The following SBF1 variants were observed in gnomAD, a reference collection of about 807,000 sequenced individuals.
The protein encoded by SBF1 is SET binding factor 1.
Under a neutral mutation model 215.8 loss-of-function variants are expected in SBF1, and 65 were observed. The ratio of observed to expected loss-of-function variants is 0.30; its 90% CI spans 0.25 to 0.37. The LOEUF (loss-of-function observed/expected upper bound fraction) is 0.37, where lower values mean the gene tolerates loss of function less well. Ranked by LOEUF, SBF1 falls within the 10% of genes least tolerant of loss-of-function variation. The pLI, the probability that SBF1 is intolerant of heterozygous loss-of-function variation, is 1.00. For missense variants in SBF1, 2,634 were observed against 2,667.8 expected, an observed-to-expected ratio of 0.99 and a Z score of 0.28; for synonymous variants, 1,410 against 1,122.8, an observed-to-expected ratio of 1.26 and a Z score of -5.11.
At chr22:50,456,061 T>G (rs991250562) in intron 31 of SBF1, 155 bp downstream of exon 31, 6 of 812,178 alleles carry the variant, frequency 7.4e-6, no homozygotes, top group Non-Finnish European at 1.1e-5. Context: ...CCCAGCTGCC[T>G]TCTAGGCACC....
intron 36 of SBF1, among the ~76,000 whole-genome samples, chr22:50,451,560 A>C (rs1313595207): frequency 6.6e-6 from 1 of 152,202 alleles, no homozygotes; most frequent in Non-Finnish European, 1.5e-5. Context: ...TTATAGAAGC[A>C]ATGGCTTGAA....
Position 50,459,455 on chromosome 22 carries a change from G to C in SBF1, c.3688+15C>G, listed in dbSNP as rs2067406396. On this transcript the variant is annotated intron_variant, in intron 27 of 40. Transcript: ENST00000380817. Reference sequence around the variant, plus strand: ...GATAGGGCAGGGCAGGCACAGGGCAGGACGCAGGAGGTACCTGGAGAAGGT... The same window carrying C: ...GATAGGGCAGGGCAGGCACAGGGCACGACGCAGGAGGTACCTGGAGAAGGT... 6.8e-6 allele frequency: 11 copies of C among 1,611,472 alleles called. No individual in the cohort carries two copies. In the East Asian group the frequency reaches 2.5e-4, roughly 36 times the overall value.
At chr22:50,470,706 G>A (rs180924833) in intron 1 of SBF1, among the ~76,000 whole-genome samples, 85 of 152,340 alleles carry the variant, frequency 5.6e-4, no homozygotes, top group Non-Finnish European at 1.3e-4. Flanking sequence ...CGGACCACAG[G>A]CTAATTAGGG....
intron 31 of SBF1, chr22:50,455,852 A>C: frequency 1.8e-6 from 1 of 566,810 alleles, no homozygotes; most frequent in Non-Finnish European, 3.1e-6. Context: ...CGGTGGCCCT[A>C]CCTTCAAGCC....
intron 23 of SBF1, among the ~76,000 whole-genome samples, 168 bp from the exon 24 acceptor site, chr22:50,460,880 C>G (rs2067479805): frequency 6.6e-6 from 1 of 152,198 alleles, no homozygotes; most frequent in South Asian, 2.1e-4. Context: ...TGTGTAAACT[C>G]GAAATCTCAG....
intron 29 of SBF1, 24 bp downstream of exon 29, chr22:50,457,010 G>A (rs758941412): frequency 1.4e-6 from 2 of 1,410,546 alleles, no homozygotes; most frequent in Non-Finnish European, 1.8e-6. Flanking sequence ...GGGGAGGCGG[G>A]CCTGCGCAGG....
chr22:50,457,838 G>A (rs1450271307), intron 28 of SBF1, among the ~76,000 whole-genome samples: 2 of 152,258 alleles, frequency 1.3e-5, no homozygotes, highest in South Asian at 2.1e-4. Context: ...GACTGAGAGA[G>A]GCAATGTCCC....
Position 50,464,889 on chromosome 22 carries a change from C to G in SBF1, c.1361G>C (p.Arg454Pro), listed in dbSNP as rs377045434. The G allele has an allele frequency of 1.2e-6, 2 of 1,613,726 alleles. No homozygotes were observed. The highest frequency in any genetic ancestry group is 3.3e-5 in the Admixed American group (2 of 60,024). The change falls in exon 13 of 41, where the codon CGG becomes CCG. Residue 454 changes from arginine to proline, a missense_variant. Physicochemically the swap from Arg to Pro is moderately radical, Grantham distance 103. Coordinates refer to ENST00000380817, the MANE Select transcript of SBF1 (RefSeq NM_002972.4). ...ACGCTGGGGGTGGTTCTCATCCGCC[C>G]GCATCCTTGCCACCTCGTGGGCCAC... ...ELVAHEVARM[R>P]ADENHPQRVL...
Position 50,464,741 on chromosome 22 carries a change from G to C in SBF1, c.1432-3C>G. 1 of 1,608,480 alleles carries C rather than the reference G, an allele frequency of 6.2e-7. No homozygotes were observed. The highest frequency in any genetic ancestry group is 8.5e-7 in the Non-Finnish European group (1 of 1,177,768). On this transcript the variant is annotated splice_region_variant and splice_polypyrimidine_tract_variant and intron_variant, in intron 13 of 40. Coordinates refer to ENST00000380817, the MANE Select transcript of SBF1 (RefSeq NM_002972.4). ...GCCACGGCTGGGTACGGGTTCTCCT[G>C]TGGGGAGACGGCAGGTGTGGGGCAG... is the stretch of plus-strand genomic sequence containing the variant.
Position 50,460,021 on chromosome 22 carries a change from C to G in SBF1, c.3422G>C (p.Ser1141Thr), listed in dbSNP as rs747747176. 8 of 1,614,036 alleles carry G rather than the reference C, an allele frequency of 5.0e-6. No homozygotes were observed. Among genetic ancestry groups the G allele is most frequent in the African/African-American group, 1.3e-5 (1 of 75,070 alleles). The change falls in exon 26 of 41, where the codon AGC becomes ACC. Residue 1141 changes from serine (S) to threonine (T), a missense_variant. By Grantham distance (58) the Ser-to-Thr change is moderately conservative. Transcript: ENST00000380817. ...QRLGLGTLSS[S>T]LSRAKSEPFR... Reference sequence around the variant, plus strand: ...GGGCTCAGACTTGGCCCGGCTCAGGCTGCTGCTCAGGGTGCCCAGACCGAG... The same window carrying G: ...GGGCTCAGACTTGGCCCGGCTCAGGGTGCTGCTCAGGGTGCCCAGACCGAG...
At chr22:50,470,894 C>T (rs534407581) in intron 1 of SBF1, among the ~76,000 whole-genome samples, 1 of 152,330 alleles carries the variant, frequency 6.6e-6, no homozygotes, top group South Asian at 2.1e-4. Flanking sequence ...GAGCAGCTCT[C>T]CTCCTCACCC....
rs182138894 is a variant in SBF1 at position 50,456,242 on chromosome 22, G to T, written c.4240C>A (p.Leu1414Met). 1 of 1,612,336 alleles carries T rather than the reference G, an allele frequency of 6.2e-7. No homozygotes were observed. The highest frequency in any genetic ancestry group is 8.5e-7 in the Non-Finnish European group (1 of 1,179,918). ...EPSPASFLRS[L>M]EDSEWLIQIH... is the part of the protein sequence containing the mutation. ...TGGATCAGCCACTCTGAGTCCTCCAGTGAGCGCAGGAAGGAGGCTGGGCTG... is the reference window on the plus strand; with the variant it reads ...TGGATCAGCCACTCTGAGTCCTCCATTGAGCGCAGGAAGGAGGCTGGGCTG... The change falls in exon 31 of 41, where the codon CTG (leucine) becomes ATG (methionine). Residue 1414 changes from leucine (L) to methionine (M), a missense_variant. Transcript: ENST00000380817.
At chr22:50,468,139 G>A (rs1289958941) in intron 2 of SBF1, among the ~76,000 whole-genome samples, 1 of 152,168 alleles carries the variant, frequency 6.6e-6, no homozygotes, top group Non-Finnish European at 1.5e-5. Context: ...CAAGGACCAG[G>A]AGATGGGAGA....
intron 39 of SBF1, 25 bp downstream of exon 39, chr22:50,447,497 T>TC (rs752405650): frequency 3.5e-5 from 46 of 1,296,486 alleles, no homozygotes; most frequent in Admixed American, 1.1e-4. Flanking sequence ...CCCCCGTGAG[T>TC]CCCCCCCACC....
rs955775434 is a variant in SBF1, at chr22:50,457,019, G to A, written c.3904+15C>T. 5 of 1,419,790 alleles carry A rather than the reference G, an allele frequency of 3.5e-6. No homozygotes were observed. The African/African-American group carries it at 7.5e-5, about 21-fold the overall frequency. 87.9% of individuals were successfully genotyped at this position (1,419,790 alleles called of 1,614,324 possible). A position where few individuals can be genotyped will look rare whatever the true frequency, so the allele number is the denominator to read the frequency against. On this transcript the variant is annotated intron_variant, in intron 29 of 40. Transcript: ENST00000380817. Reference sequence around the variant, plus strand: ...AAGTAAGGGGAGGCGGGCCTGCGCAGGCTCGGTACGGTACCTCGGGGTGCG... The same window carrying A: ...AAGTAAGGGGAGGCGGGCCTGCGCAAGCTCGGTACGGTACCTCGGGGTGCG...
chr22:50,473,991 G>C (rs912663023), intron 1 of SBF1, among the ~76,000 whole-genome samples: 1 of 152,198 alleles, frequency 6.6e-6, no homozygotes, highest in Non-Finnish European at 1.5e-5. Context: ...CACCAAGCAC[G>C]CTCGCCAACG....
At chr22:50,453,528 C>T (rs2067128430) in intron 36 of SBF1, among the ~76,000 whole-genome samples, 1 of 152,224 alleles carries the variant, frequency 6.6e-6, no homozygotes, top group Non-Finnish European at 1.5e-5. Context: ...TGGCTCACGC[C>T]TGTAATCCCA....
chr22:50,462,764 C>G (rs540427578), intron 17 of SBF1, 47 bp from the exon 18 acceptor site: 11 of 1,608,320 alleles, frequency 6.8e-6, no homozygotes, highest in Non-Finnish European at 9.3e-6. Flanking sequence ...CCAGGAAGGG[C>G]GGCTGGGAAG....
chr22:50,454,579 C>A lies in SBF1; in HGVS notation c.4976G>T (p.Arg1659Leu). 1 of 1,611,442 alleles carries A rather than the reference C, an allele frequency of 6.2e-7. No individual in the cohort carries two copies. The highest frequency in any genetic ancestry group is 1.3e-5 in the African/African-American group (1 of 75,022). The change falls in exon 36 of 41, where the codon CGC (arginine) becomes CTC (leucine). Residue 1659 changes from arginine (R) to leucine (L), a missense_variant. By Grantham distance (102) the Arg-to-Leu change is moderately radical (BLOSUM62 -2). Transcript: ENST00000380817. Reference sequence around the variant, plus strand: ...GCTGTCGTAACAGGGCCACACCACGCGGCGCCTGCTCTGGGGAGCGCCTCC... The same window carrying A: ...GCTGTCGTAACAGGGCCACACCACGAGGCGCCTGCTCTGGGGAGCGCCTCC... ...SDGGAPQSRR[R>L]VVWPCYDSCP...
Sources: allele counts gnomAD v4.1 joint callset (sites outside exome capture counted in the v4.1 genomes callset), GRCh38; gene constraint gnomAD v4.1.1; transcripts MANE v1.5; gene names NCBI Gene and HGNC (gene_info 2026-07-23, HGNC 2026-07-21).